The following COL2A1 variants were observed in gnomAD, a reference collection of about 807,000 sequenced individuals.
The protein encoded by COL2A1 is collagen type II alpha 1 chain, also known as collagen alpha-1(II) chain.
Under a neutral mutation model 204.5 loss-of-function variants are expected in COL2A1, and 28 were observed. The observed-to-expected ratio is 0.14, with a 90% confidence interval of 0.10 to 0.19. COL2A1 has a LOEUF of 0.19. COL2A1 is among the 10% of genes least tolerant of loss of function. The pLI is 1.00. For missense variants in COL2A1, 1,388 were observed against 2,027.5 expected (o/e 0.68, Z 6.06); for synonymous variants, 708 against 718.7 (o/e 0.99, Z 0.24).
rs372792172 is a variant in COL2A1 at position 47,982,987 on chromosome 12, G to C, written c.2095-41C>G. On this transcript the variant is annotated intron_variant, in intron 32 of 53. Coordinates refer to ENST00000380518, the MANE Select transcript of COL2A1 (RefSeq NM_001844.5). The stretch of plus-strand genomic sequence containing the variant: ...CAAGAAGTGATCAACCAACAGCAGT[G>C]GGGGAGAAGGTCCAGGGAGAAGCAG... The C allele has an allele frequency of 2.1e-5, 34 of 1,607,092 alleles. No individual in the cohort carries two copies. In the Admixed American group the frequency reaches 3.7e-4, roughly 17 times the overall value.
At chr12:48,002,131 T>C (rs1328103296) in intron 1 of COL2A1, among the ~76,000 whole-genome samples, 1 of 152,110 alleles carries the variant, frequency 6.6e-6, no homozygotes, top group Admixed American at 6.5e-5. Context: ...AGGAACCAGT[T>C]TAAATAAATA....
Position 47,974,078 on chromosome 12 carries a change from GC to G in COL2A1, c.4317+10del. On this transcript the variant is annotated intron_variant, in intron 53 of 53. Transcript: ENST00000380518. ...GCACAGGCAGCTCTTCTCTCTGGCA[GC>G]CCCACTCACCGTGCAGCCATCCTTC... 6.2e-7 allele frequency: 1 copy of G among 1,614,210 alleles called. No homozygotes were observed. Among genetic ancestry groups the G allele is most frequent in the Non-Finnish European group, 8.5e-7 (1 of 1,180,038 alleles).
At chr12:47,986,024 C>G in intron 23 of COL2A1, 59 bp from the exon 24 acceptor site, 1 of 1,495,454 alleles carries the variant, frequency 6.7e-7, no homozygotes. Flanking sequence ...CAGCCAGGCT[C>G]CAGTGGGTCC....
At chr12:47,994,921 T>C (rs1455409473) in intron 11 of COL2A1, among the ~76,000 whole-genome samples, 1 of 152,224 alleles carries the variant, frequency 6.6e-6, no homozygotes, top group Non-Finnish European at 1.5e-5. Flanking sequence ...TAATGCTGGG[T>C]TGTTGAACGC....
At chr12:47,989,347 C>T (rs894065169) in intron 17 of COL2A1, 66 bp from the exon 18 acceptor site, 75 of 1,250,694 alleles carry the variant, frequency 6.0e-5, no homozygotes, top group Non-Finnish European at 7.5e-5. Flanking sequence ...CGAGCCACCC[C>T]GACACCTCAC....
chr12:47,989,838 GC>G (rs1565686984), intron 16 of COL2A1, 33 bp from the exon 17 acceptor site: 2 of 1,606,738 alleles, frequency 1.2e-6, no homozygotes, highest in Non-Finnish European at 8.5e-7. Flanking sequence ...CATGAGAGGT[GC>G]CCACAGGCCC....
intron 16 of COL2A1, among the ~76,000 whole-genome samples, chr12:47,991,557 G>A (rs1294533957): frequency 1.3e-5 from 2 of 152,224 alleles, no homozygotes; most frequent in Non-Finnish European, 1.5e-5. Context: ...GATGGGAGGG[G>A]AGAGGGAGGA....
chr12:47,990,450 A>C (rs941399586), intron 16 of COL2A1, among the ~76,000 whole-genome samples: 1 of 152,238 alleles, frequency 6.6e-6, no homozygotes, highest in African/African-American at 2.4e-5. Flanking sequence ...CGAGGCAACC[A>C]TGTGGACTCA....
rs185370314 is a variant in COL2A1 at position 47,987,225 on chromosome 12, G to A, written c.1266+44C>T. 2.3e-3 allele frequency: 3,770 copies of A among 1,613,408 alleles called. 9 individuals are homozygous for A. Among genetic ancestry groups the A allele is most frequent in the Middle Eastern group, 4.5e-3 (27 of 6,058 alleles). ...GGGTGTCAGGAGAGGGGAGAGGCAG[G>A]ACTGGGCTCTCCTGGGGTAGCAAAG... On this transcript the variant is annotated intron_variant, in intron 20 of 53. Transcript: ENST00000380518. This position sits in a 1 kb window ranked among gnomAD's most constrained non-coding sequence, Gnocchi z 4.1.
intron 36 of COL2A1, 74 bp downstream of exon 36, chr12:47,981,702 C>G: frequency 6.8e-7 from 1 of 1,477,852 alleles, no homozygotes; most frequent in Non-Finnish European, 9.3e-7. Context: ...CAAGACAGAA[C>G]CGCCTTTGGC....
intron 40 of COL2A1, 75 bp downstream of exon 40, chr12:47,979,934 C>T: frequency 9.2e-7 from 1 of 1,082,894 alleles, no homozygotes; most frequent in East Asian, 3.0e-5. Flanking sequence ...CATCCCAGAA[C>T]ACCCCCGCCA....
rs1939515312 is a variant in COL2A1 at position 47,987,918 on chromosome 12, G to A, written c.1123-209C>T. Among the ~76,000 whole-genome samples the A allele has an allele frequency of 6.6e-6, 1 of 151,910 alleles. No homozygotes were observed. Among genetic ancestry groups the A allele is most frequent in the African/African-American group, 2.4e-5 (1 of 41,300 alleles). On this transcript the variant is annotated intron_variant, in intron 18 of 53. Transcript: ENST00000380518. The surrounding 1 kb of genome is among the most constrained non-coding windows in gnomAD (Gnocchi z 4.1). The stretch of plus-strand genomic sequence containing the variant: ...AGCTGATGACTTGATGACTTCCCAC[G>A]CCTGCCTCCTCTACTGCTTACCTCA...
chr12:47,993,338 C>A, intron 15 of COL2A1, 120 bp downstream of exon 15: 1 of 859,960 alleles, frequency 1.2e-6, no homozygotes, highest in Non-Finnish European at 2.0e-6. Context: ...TTGCTTTTTG[C>A]TCACAATCAG....
chr12:47,983,563 A>C lies in COL2A1; in HGVS notation c.1995+120T>G, dbSNP rs572149691. The C allele has an allele frequency of 7.9e-5, 112 of 1,424,076 alleles. No homozygotes were observed. The African/African-American group carries it at 1.4e-3, about 18-fold the overall frequency. The allele number at this position is 1,424,076 out of a possible 1,614,324, so 88.2% of individuals were successfully genotyped here. On this transcript the variant is annotated intron_variant, in intron 30 of 53. Coordinates refer to ENST00000380518, the MANE Select transcript of COL2A1 (RefSeq NM_001844.5). Reference sequence around the variant, plus strand: ...GCAGTGACAGCCAGGGGTGCAGGGAAGGCTCGATGCCTGGCACCCTGCAAG... The same window carrying C: ...GCAGTGACAGCCAGGGGTGCAGGGACGGCTCGATGCCTGGCACCCTGCAAG...
rs1940151567 is a variant in COL2A1, at chr12:47,999,934, G to T, written c.277C>A (p.Leu93Ile). The T allele has an allele frequency of 6.2e-7, 1 of 1,613,910 alleles. No individual in the cohort carries two copies. Among genetic ancestry groups the T allele is most frequent in the African/African-American group, 1.3e-5 (1 of 74,912 alleles). ...AAATTACAACCACTGGCAGTGGCGA[G>T]GTCAGTTGGGCAGATGGGGCAGCAC... is the stretch of plus-strand genomic sequence containing the variant. ...GECCPICPTD[L>I]ATASGQPGPK... Residue 93 changes from leucine to isoleucine, a missense_variant, in exon 2 of 54, where the codon CTC (leucine) becomes ATC (isoleucine). Physicochemically the swap from Leu to Ile is conservative, Grantham distance 5 (BLOSUM62 2). Coordinates refer to ENST00000380518, the MANE Select transcript of COL2A1 (RefSeq NM_001844.5).
At chr12:47,983,571 T>A (rs1326207675) in intron 30 of COL2A1, 112 bp downstream of exon 30, 1 of 1,446,500 alleles carries the variant, frequency 6.9e-7, no homozygotes, top group East Asian at 2.4e-5. Flanking sequence ...GAAGGCTCGA[T>A]GCCTGGCACC....
chr12:47,983,142 A>G lies in COL2A1; in HGVS notation c.2050-5T>C, dbSNP rs1321836833. ...TCCAGCTTCACCGGGAACACCCTGG[A>G]GAACAAAGAAAGATGTGTGAGAGTG... On this transcript the variant is annotated splice_polypyrimidine_tract_variant and splice_region_variant and intron_variant, in intron 31 of 53. Transcript: ENST00000380518. The G allele has an allele frequency of 6.2e-7, 1 of 1,613,446 alleles. No individual in the cohort carries two copies. The highest frequency in any genetic ancestry group is 8.5e-7 in the Non-Finnish European group (1 of 1,179,730).
At chr12:47,996,180 G>A (rs774058025) in intron 8 of COL2A1, among the ~76,000 whole-genome samples, 1 of 152,232 alleles carries the variant, frequency 6.6e-6, no homozygotes, top group Non-Finnish European at 1.5e-5. Flanking sequence ...GTTTCATTTA[G>A]CATGTGCCAA....
intron 7 of COL2A1, 89 bp downstream of exon 7, chr12:47,997,517 T>A: frequency 9.9e-6 from 16 of 1,611,106 alleles, no homozygotes; most frequent in Non-Finnish European, 1.4e-5. Flanking sequence ...CTGGCAGCCC[T>A]GGGAGCCAGC....
Sources: gnomAD v4.1 joint callset for allele counts (sites outside exome capture counted in the v4.1 genomes callset) on GRCh38, gnomAD v4.1.1 for gene constraint, Gnocchi (gnomAD v3.1) non-coding constraint, MANE v1.5 for transcripts, NCBI Gene and HGNC (gene_info 2026-07-23, HGNC 2026-07-21) for gene names.